MGAT4C: variants seen among roughly 807,000 people sequenced by gnomAD.
The protein encoded by MGAT4C is MGAT4 family member C, also known as alpha-1,3-mannosyl-glycoprotein 4-beta-N-acetylglucosaminyltransferase C.
In MGAT4C, 19 loss-of-function variants were observed where a neutral mutation model predicts 40.1. The ratio of observed to expected loss-of-function variants is 0.47; its 90% CI spans 0.33 to 0.70. The LOEUF is 0.70. MGAT4C is among the 30% of genes least tolerant of loss of function. The pLI, the probability that MGAT4C is intolerant of heterozygous loss-of-function variation, is 0.02. For missense variants in MGAT4C, 491 were observed against 563.2 expected (o/e 0.87, Z 1.30); for synonymous variants, 181 against 187.1 (o/e 0.97, Z 0.27).
At position 86,189,524 on chromosome 12, in the gene MGAT4C, A is replaced by T. The variant is rs532317113; in HGVS notation, c.-57+66715T>A. ...TGACACTGAAGAACATTGTATTTTT[A>T]AAAAATTTTTCTATTGTAGTGCTTC... On this transcript the variant is annotated intron_variant, in intron 1 of 4. Transcript: ENST00000611864. Among the ~76,000 whole-genome samples, 497 of 152,090 alleles carry T rather than the reference A, an allele frequency of 3.3e-3. 2 individuals are homozygous for T. Among genetic ancestry groups the T allele is most frequent in the African/African-American group, 0.011 (458 of 41,576 alleles).
chr12:85,978,766 T>A lies in MGAT4C; in HGVS notation c.*523A>T, dbSNP rs911045090. 6.6e-6 allele frequency: 1 copy of A among 151,888 alleles called. No homozygotes were observed. Among genetic ancestry groups the A allele is most frequent in the African/African-American group, 2.4e-5 (1 of 41,504 alleles). 9.4% of individuals were successfully genotyped at this position (151,888 alleles called of 1,614,324 possible). On this transcript the variant is annotated 3_prime_UTR_variant, in exon 5 of 5. Coordinates refer to ENST00000611864, the MANE Select transcript of MGAT4C (RefSeq NM_001351288.2). ...AGTGTCACCTACACAAAAAATTATG[T>A]AAAGACACCACTTCTATGAGGAGGT...
chr12:86,630,233 A>G lies in MGAT4C; in HGVS notation c.-229+96976T>C, dbSNP rs184260226. Among the ~76,000 whole-genome samples the G allele has an allele frequency of 8.7e-3, 1,328 of 152,274 alleles. 8 individuals carry two copies. Among genetic ancestry groups the G allele is most frequent in the Middle Eastern group, 0.017 (5 of 294 alleles). On this transcript the variant is annotated intron_variant, in intron 2 of 7. Transcript: ENST00000548651. Reference sequence around the variant, plus strand: ...AGTTGACCCCCTGAATAGGCCAATAACAGGCTCTGAAATTGAGGCAATAAT... The same window carrying G: ...AGTTGACCCCCTGAATAGGCCAATAGCAGGCTCTGAAATTGAGGCAATAAT...
At chr12:86,104,928 G>A (rs549208519) in intron 1 of MGAT4C, among the ~76,000 whole-genome samples, 139 of 151,866 alleles carry the variant, frequency 9.2e-4, no homozygotes, top group African/African-American at 3.3e-3. Flanking sequence ...CTTTTAACAG[G>A]GTTCAGAGTT....
intron 1 of MGAT4C, among the ~76,000 whole-genome samples, chr12:86,832,996 A>G (rs1162207599): frequency 2.6e-5 from 4 of 151,916 alleles, no homozygotes; most frequent in Non-Finnish European, 5.9e-5. Context: ...AACTTAAAAT[A>G]TTGAGGTAGA....
At chr12:86,447,010 A>C (rs1355598047) in intron 2 of MGAT4C, among the ~76,000 whole-genome samples, 2 of 152,122 alleles carry the variant, frequency 1.3e-5, no homozygotes, top group Admixed American at 6.5e-5. Context: ...TTAAACATTG[A>C]TTAAAAGATG....
chr12:86,270,609 G>C (rs973769724), intron 4 of MGAT4C, among the ~76,000 whole-genome samples: 1 of 152,030 alleles, frequency 6.6e-6, no homozygotes, highest in Non-Finnish European at 1.5e-5. Context: ...CTTACTTCTA[G>C]ATTCAATGCA....
chr12:86,585,933 C>CT (rs146231522), intron 2 of MGAT4C, among the ~76,000 whole-genome samples: 16 of 149,008 alleles, frequency 1.1e-4, no homozygotes, highest in South Asian at 4.3e-4. Flanking sequence ...AAGGTAGGCA[C>CT]TTTTTTTTTC....
chr12:86,008,373 C>T (rs1209304800), intron 2 of MGAT4C, among the ~76,000 whole-genome samples: 1 of 151,828 alleles, frequency 6.6e-6, no homozygotes, highest in African/African-American at 2.4e-5. Flanking sequence ...ATCTTTCATG[C>T]CTGTAAAATT....
intron 2 of MGAT4C, among the ~76,000 whole-genome samples, chr12:86,708,862 A>G (rs903203026): frequency 2.6e-5 from 4 of 152,162 alleles, no homozygotes; most frequent in African/African-American, 9.7e-5. Context: ...TTATCTATGA[A>G]GTAAGTAACT....
At chr12:86,759,197 G>T (rs1951358255) in intron 1 of MGAT4C, among the ~76,000 whole-genome samples, 1 of 152,060 alleles carries the variant, frequency 6.6e-6, no homozygotes. Context: ...CTTCATTCAT[G>T]ATGCTGCAAC....
At chr12:86,099,227 T>C (rs1369272101) in intron 1 of MGAT4C, among the ~76,000 whole-genome samples, 2 of 151,452 alleles carry the variant, frequency 1.3e-5, no homozygotes, top group African/African-American at 2.4e-5. Context: ...TTGCTCACCA[T>C]TTTAAGATTT....
intron 2 of MGAT4C, among the ~76,000 whole-genome samples, chr12:86,481,790 C>T (rs1957942229): frequency 6.6e-6 from 1 of 151,686 alleles, no homozygotes; most frequent in Non-Finnish European, 1.5e-5. Flanking sequence ...TTATTTTTCA[C>T]TTTTTTTAAA....
intron 2 of MGAT4C, among the ~76,000 whole-genome samples, chr12:86,008,075 A>T (rs2136805025): frequency 6.6e-6 from 1 of 152,152 alleles, no homozygotes; most frequent in Non-Finnish European, 1.5e-5. Flanking sequence ...TATCTGAAAT[A>T]TGATGATGTG....
At chr12:86,114,415 T>C (rs1357492968) in intron 1 of MGAT4C, among the ~76,000 whole-genome samples, 4 of 151,870 alleles carry the variant, frequency 2.6e-5, no homozygotes, top group African/African-American at 9.7e-5. Flanking sequence ...TTTGCGAGCA[T>C]GACATGCAAC....
intron 3 of MGAT4C, among the ~76,000 whole-genome samples, chr12:86,414,851 T>G (rs1020371276): frequency 1.3e-5 from 2 of 152,152 alleles, no homozygotes; most frequent in African/African-American, 4.8e-5. Flanking sequence ...AGCTATTTTA[T>G]GCTGCTGCAT....
At chr12:86,819,491 A>G (rs796676772) in intron 1 of MGAT4C, among the ~76,000 whole-genome samples, 1 of 150,966 alleles carries the variant, frequency 6.6e-6, no homozygotes, top group Non-Finnish European at 1.5e-5. Flanking sequence ...AAATTATCCA[A>G]TGCAAAATAG....
intron 3 of MGAT4C, among the ~76,000 whole-genome samples, chr12:86,420,821 G>C (rs1188970031): frequency 3.4e-5 from 5 of 148,462 alleles, no homozygotes; most frequent in Non-Finnish European, 4.5e-5. Flanking sequence ...ATGTGTGTGT[G>C]TGTATGTATA....
intron 1 of MGAT4C, among the ~76,000 whole-genome samples, chr12:86,215,767 T>A (rs1182711362): frequency 2.6e-5 from 4 of 152,130 alleles, no homozygotes; most frequent in Non-Finnish European, 4.4e-5. Context: ...AACAGTTTTG[T>A]GTCAAAAGTG....
chr12:86,012,943 G>A (rs116269490), intron 2 of MGAT4C, among the ~76,000 whole-genome samples: 85 of 149,954 alleles, frequency 5.7e-4, no homozygotes, highest in African/African-American at 2.0e-3. Flanking sequence ...GGGCAACGTA[G>A]TGAGGCATCA....
Sources: allele counts gnomAD v4.1 joint callset (sites outside exome capture counted in the v4.1 genomes callset), GRCh38; gene constraint gnomAD v4.1.1; transcripts MANE v1.5; gene names NCBI Gene and HGNC (gene_info 2026-07-23, HGNC 2026-07-21).